ERI1: variants seen among roughly 807,000 people sequenced by gnomAD.
ERI1 encodes the protein exoribonuclease 1, also known as 3'-5' exoribonuclease 1.
ERI1 carries 39 observed loss-of-function variants against 39.7 expected under a neutral mutation model. The ratio of observed to expected loss-of-function variants is 0.98; its 90% CI spans 0.76 to 1.28. The LOEUF is 1.28. ERI1 is among the 50% of genes most tolerant of loss of function. The probability of loss-of-function intolerance (pLI) is 0.00; values close to 1 mark genes in which losing one functional copy is unlikely to be tolerated. For missense variants in ERI1, 581 were observed against 416.9 expected (o/e 1.39, Z -3.43); for synonymous variants, 204 against 149.6 (o/e 1.36, Z -2.65).
chr8:9,041,898 C>T (rs1204275597), intron 3 of ERI1, among the ~76,000 whole-genome samples: 1 of 152,106 alleles, frequency 6.6e-6, no homozygotes, highest in Non-Finnish European at 1.5e-5. Flanking sequence ...CCACGCCCAG[C>T]TGATTTTGTA....
In ERI1 at chr8:9,011,638, C is replaced by T; in HGVS notation, c.384C>T (p.Asp128=). The part of the protein sequence containing the change: ...KESNFADSYY[D]YICIIDFEAT... ...GCAATTTTGCTGACAGTTATTATGA[C>T]TACATTTGTATTATTGACTTTGAAG... The change falls in exon 3 of 7, where the codon GAC becomes GAT. Residue 128 remains aspartate (D), a synonymous_variant. Transcript: ENST00000250263. 4 of 1,613,522 alleles carry T rather than the reference C, an allele frequency of 2.5e-6. No homozygotes were observed. The highest frequency in any genetic ancestry group is 3.4e-6 in the Non-Finnish European group (4 of 1,179,582).
At chr8:9,019,757 G>T (rs1232393533) in intron 5 of ERI1, among the ~76,000 whole-genome samples, 1 of 152,102 alleles carries the variant, frequency 6.6e-6, no homozygotes, top group East Asian at 1.9e-4. Context: ...TCCCAGTATA[G>T]CAGCTGAGTT....
intron 1 of ERI1, among the ~76,000 whole-genome samples, chr8:9,004,634 A>C (rs1367435499): frequency 6.6e-6 from 1 of 151,482 alleles, no homozygotes; most frequent in African/African-American, 2.4e-5. Context: ...ACTGCACTCC[A>C]ACCTGGGTGA....
At chr8:9,003,847 T>G (rs1188225891) in intron 1 of ERI1, among the ~76,000 whole-genome samples, 1 of 152,248 alleles carries the variant, frequency 6.6e-6, no homozygotes, top group Non-Finnish European at 1.5e-5. Context: ...AATAAACATG[T>G]TGAACACTTC....
intron 6 of ERI1, among the ~76,000 whole-genome samples, chr8:9,026,572 G>T (rs1304951130): frequency 6.6e-6 from 1 of 152,116 alleles, no homozygotes; most frequent in African/African-American, 2.4e-5. Context: ...CTACCTTTCT[G>T]AGGCAGAATA....
intron 3 of ERI1, among the ~76,000 whole-genome samples, chr8:9,057,232 C>G (rs753786431): frequency 2.0e-5 from 3 of 151,976 alleles, no homozygotes; most frequent in Non-Finnish European, 4.4e-5. Context: ...GCAGCCTTGA[C>G]CTCCTGGGTT....
At chr8:9,076,393 C>A (rs1234955782) in intron 3 of ERI1, among the ~76,000 whole-genome samples, 2 of 152,164 alleles carry the variant, frequency 1.3e-5, no homozygotes, top group Admixed American at 1.3e-4. Context: ...ATCTAGGGTT[C>A]ATCTGTAAGT....
At position 9,018,339 on chromosome 8, in the gene ERI1, AAAG is replaced by A; in HGVS notation, c.626_628del (p.Lys209_Val210delinsIle). 1.9e-6 allele frequency: 3 copies of A among 1,612,972 alleles called. No homozygotes were observed. Among genetic ancestry groups the A allele is most frequent in the Non-Finnish European group, 2.5e-6 (3 of 1,179,064 alleles). On this transcript the variant is annotated inframe_deletion, in exon 5 of 7. Coordinates refer to ENST00000250263, the MANE Select transcript of ERI1 (RefSeq NM_153332.4). ...TGATACCTTCCCTCAGGTACTAAAA[AAAG>A]TAATTGACTGGATGAAATTGAAGGA...
At chr8:9,093,714 CAT>C (rs1799784214) in intron 3 of ERI1, among the ~76,000 whole-genome samples, 1 of 152,088 alleles carries the variant, frequency 6.6e-6, no homozygotes, top group Non-Finnish European at 1.5e-5. Flanking sequence ...ATTACAGGCA[CAT>C]GCCACCATGC....
In ERI1 at chr8:9,020,393, A is replaced by T; in HGVS notation, c.736A>T (p.Ser246Cys). ...GTTCTTGAACATTCAGTGTCAACTC[A>T]GCAGGCTCAAATACCCTCCTTTTGC... The part of the protein sequence containing the change: ...SKFLNIQCQL[S>C]RLKYPPFAKK... The change falls in exon 6 of 7, where the codon AGC becomes TGC. Residue 246 changes from serine to cysteine, a missense_variant. Physicochemically the swap from Ser to Cys is moderately radical, Grantham distance 112. Coordinates refer to ENST00000250263, the MANE Select transcript of ERI1 (RefSeq NM_153332.4). 1 of 1,607,404 alleles carries T rather than the reference A, an allele frequency of 6.2e-7. No individual in the cohort carries two copies. The highest frequency in any genetic ancestry group is 1.1e-5 in the South Asian group (1 of 89,038).
At chr8:9,053,741 G>A (rs1798427283) in intron 3 of ERI1, among the ~76,000 whole-genome samples, 1 of 152,194 alleles carries the variant, frequency 6.6e-6, no homozygotes, top group Non-Finnish European at 1.5e-5. Flanking sequence ...ACTCCTGATA[G>A]TACCAGAATT....
intron 3 of ERI1, among the ~76,000 whole-genome samples, chr8:9,087,171 G>C (rs973800972): frequency 1.3e-5 from 2 of 151,854 alleles, no homozygotes; most frequent in African/African-American, 4.8e-5. Flanking sequence ...ACATGCATCA[G>C]GTATTTGTCC....
At chr8:9,034,507 C>A (rs576762652), downstream of ERI1, among the ~76,000 whole-genome samples, 18 of 152,248 alleles carry the variant, frequency 1.2e-4, no homozygotes, top group Middle Eastern at 3.4e-3. Flanking sequence ...TATTATCTCT[C>A]TTAGGGTGAT....
intron 3 of ERI1, among the ~76,000 whole-genome samples, chr8:9,085,341 T>A (rs1291138884): frequency 6.6e-6 from 1 of 152,052 alleles, no homozygotes; most frequent in Non-Finnish European, 1.5e-5. Context: ...CCCAAGGAGA[T>A]GAGATTACAG....
Position 9,029,966 on chromosome 8 carries a change from A to C in ERI1, c.982A>C (p.Met328Leu). Reference protein sequence around the residue: ...INEKMHAGQLMSVSSSLPIEG... With the variant: ...INEKMHAGQLLSVSSSLPIEG... ...CGAGAAAATGCATGCAGGACAGCTAATGAGTGTGTCCTCTTCCTTACCAAT... is the reference window on the plus strand; with the variant it reads ...CGAGAAAATGCATGCAGGACAGCTACTGAGTGTGTCCTCTTCCTTACCAAT... The change falls in exon 7 of 7, where the codon ATG becomes CTG. Residue 328 changes from methionine (M) to leucine (L), a missense_variant. Met to Leu is a conservative substitution (Grantham distance 15, BLOSUM62 2). Coordinates refer to ENST00000250263, the MANE Select transcript of ERI1 (RefSeq NM_153332.4). 7 of 1,614,158 alleles carry C rather than the reference A, an allele frequency of 4.3e-6. No individual in the cohort carries two copies. The highest frequency in any genetic ancestry group is 5.9e-6 in the Non-Finnish European group (7 of 1,180,016).
intron 3 of ERI1, among the ~76,000 whole-genome samples, chr8:9,043,957 G>A (rs922850213): frequency 6.6e-5 from 10 of 152,162 alleles, no homozygotes; most frequent in East Asian, 1.9e-4. Flanking sequence ...AGAGGCCTAC[G>A]GTGTAGCATG....
At chr8:9,049,628 C>A (rs746833625) in intron 3 of ERI1, among the ~76,000 whole-genome samples, 1 of 151,864 alleles carries the variant, frequency 6.6e-6, no homozygotes, top group African/African-American at 2.4e-5. Context: ...TTAGGAAATA[C>A]TTAAAGGAGT....
intron 6 of ERI1, among the ~76,000 whole-genome samples, chr8:9,025,702 T>TTTTG (rs1554519271): frequency 2.2e-4 from 33 of 147,870 alleles, no homozygotes; most frequent in East Asian, 5.9e-4. Context: ...TCTTTTTTTT[T>TTTTG]TGTGTGTGTG....
chr8:9,030,059 C>G lies in ERI1; in HGVS notation c.*25C>G, dbSNP rs755242331. Reference sequence around the variant, plus strand: ...ACAACAGTTTTGTGTGTGGATCATTCCAATTGAAGTTGCTATGAAGAGGTA... The same window carrying G: ...ACAACAGTTTTGTGTGTGGATCATTGCAATTGAAGTTGCTATGAAGAGGTA... On this transcript the variant is annotated 3_prime_UTR_variant, in exon 7 of 7. Coordinates refer to ENST00000250263, the MANE Select transcript of ERI1 (RefSeq NM_153332.4). 6.2e-7 allele frequency: 1 copy of G among 1,608,172 alleles called. No homozygotes were observed. The highest frequency in any genetic ancestry group is 8.5e-7 in the Non-Finnish European group (1 of 1,175,238).
Sources: allele counts gnomAD v4.1 joint callset (sites outside exome capture counted in the v4.1 genomes callset), GRCh38; gene constraint gnomAD v4.1.1; transcripts MANE v1.5; gene names NCBI Gene and HGNC (gene_info 2026-07-23, HGNC 2026-07-21).